Variants in LRP1B observed in about 807,000 individuals in gnomAD.
The protein encoded by LRP1B is low-density lipoprotein receptor-related protein 1B.
In LRP1B, 217 loss-of-function variants were observed where a neutral mutation model predicts 556.6. That is an observed-to-expected ratio of 0.39 (90% confidence interval 0.35 to 0.44). The LOEUF (loss-of-function observed/expected upper bound fraction) is 0.44. LRP1B is among the 20% of genes least tolerant of loss of function. The probability of loss-of-function intolerance (pLI) is 1.00; values close to 1 mark genes in which losing one functional copy is unlikely to be tolerated. For missense variants in LRP1B, 5,053 were observed against 5,620.8 expected, an observed-to-expected ratio of 0.90 and a Z score of 3.23; for synonymous variants, 2,047 against 1,865.8, an observed-to-expected ratio of 1.10 and a Z score of -2.50.
intron 1 of LRP1B, among the ~76,000 whole-genome samples, chr2:141,940,673 T>C (rs1574512064): frequency 6.6e-6 from 1 of 152,306 alleles, no homozygotes; most frequent in East Asian, 1.9e-4. Context: ...CCTTTTACTC[T>C]AGTGTAATAA....
At chr2:140,416,286 C>T (rs576932881) in intron 66 of LRP1B, among the ~76,000 whole-genome samples, 7 of 152,178 alleles carry the variant, frequency 4.6e-5, no homozygotes, top group African/African-American at 1.7e-4. Flanking sequence ...GAGGATGATA[C>T]TAGAGCTGAT....
intron 15 of LRP1B, among the ~76,000 whole-genome samples, chr2:141,003,000 T>C (rs897233366): frequency 1.3e-5 from 2 of 151,982 alleles, no homozygotes; most frequent in African/African-American, 4.8e-5. Context: ...TGTCCGGTAG[T>C]TGGAACTTAA....
chr2:140,256,449 C>CTTTTTTTTTTTTTTT (rs764826231), intron 86 of LRP1B, among the ~76,000 whole-genome samples: 1 of 25,292 alleles, frequency 4.0e-5, no homozygotes, highest in Non-Finnish European at 7.7e-5. Flanking sequence ...TTTTTCCTTC[C>CTTTTTTTTTTTTTTT]TTTTTTTTTT....
At chr2:141,012,034 T>C (rs1697766501) in intron 14 of LRP1B, among the ~76,000 whole-genome samples, 1 of 152,064 alleles carries the variant, frequency 6.6e-6, no homozygotes, top group Non-Finnish European at 1.5e-5. Context: ...ACATAGCTAT[T>C]TAACCATCAT....
chr2:141,406,006 T>C (rs1235591917), intron 3 of LRP1B, among the ~76,000 whole-genome samples: 3 of 152,218 alleles, frequency 2.0e-5, no homozygotes, highest in Non-Finnish European at 2.9e-5. Context: ...CCAAGTATGA[T>C]GTATGGTTAA....
chr2:140,999,933 A>G (rs1420205257), intron 15 of LRP1B, among the ~76,000 whole-genome samples: 2 of 151,912 alleles, frequency 1.3e-5, no homozygotes, highest in Admixed American at 6.6e-5. Context: ...TATTTTTGAG[A>G]TGGGGTCTTG....
At chr2:140,508,400 C>T (rs147062247) in intron 52 of LRP1B, among the ~76,000 whole-genome samples, 63 of 152,102 alleles carry the variant, frequency 4.1e-4, no homozygotes, top group African/African-American at 1.3e-3. Flanking sequence ...TGCCTATAGC[C>T]CCCTCTCCCC....
At chr2:141,240,008 T>C (rs1683803878) in intron 5 of LRP1B, among the ~76,000 whole-genome samples, 2 of 152,120 alleles carry the variant, frequency 1.3e-5, no homozygotes, top group African/African-American at 4.8e-5. Flanking sequence ...TGTAACTTGA[T>C]GTTCTAAATA....
chr2:140,369,166 T>C (rs115282032), intron 71 of LRP1B, among the ~76,000 whole-genome samples: 1,854 of 152,020 alleles, frequency 0.012, 33 homozygotes, highest in African/African-American at 0.042. Context: ...GGTCATTTTC[T>C]CATAACTGAT....
intron 18 of LRP1B, among the ~76,000 whole-genome samples, chr2:140,972,075 G>A (rs191384562): frequency 3.3e-5 from 5 of 152,182 alleles, no homozygotes; most frequent in African/African-American, 9.6e-5. Flanking sequence ...AATATCCCTC[G>A]AGGCTTTAAC....
chr2:140,358,783 T>G, intron 73 of LRP1B, 38 bp downstream of exon 73: 12 of 1,599,184 alleles, frequency 7.5e-6, no homozygotes, highest in Non-Finnish European at 1.0e-5. Flanking sequence ...GAGAACCTCA[T>G]AGCCATCACT....
At chr2:141,494,003 C>T (rs112538332) in intron 2 of LRP1B, among the ~76,000 whole-genome samples, 49 of 152,262 alleles carry the variant, frequency 3.2e-4, no homozygotes, top group African/African-American at 1.1e-3. Flanking sequence ...TTCCTTTAAG[C>T]ATTTAATCAG....
At chr2:141,351,185 C>G (rs1688430596) in intron 3 of LRP1B, among the ~76,000 whole-genome samples, 1 of 151,886 alleles carries the variant, frequency 6.6e-6, no homozygotes, top group African/African-American at 2.4e-5. Context: ...TCAAGAAAAT[C>G]AAAGGAATCA....
intron 7 of LRP1B, among the ~76,000 whole-genome samples, chr2:141,069,029 A>G (rs1431693711): frequency 1.3e-5 from 2 of 152,072 alleles, no homozygotes; most frequent in African/African-American, 4.8e-5. Flanking sequence ...GAAGAACATT[A>G]ATAATGAGCA....
intron 3 of LRP1B, among the ~76,000 whole-genome samples, chr2:141,350,575 A>C (rs1310550260): frequency 6.6e-6 from 1 of 152,114 alleles, no homozygotes; most frequent in African/African-American, 2.4e-5. Flanking sequence ...CAGAGAAAAA[A>C]TCATTTTGGT....
chr2:141,401,430 T>C (rs1216030931), intron 3 of LRP1B, among the ~76,000 whole-genome samples: 1 of 152,192 alleles, frequency 6.6e-6, no homozygotes, highest in Non-Finnish European at 1.5e-5. Flanking sequence ...TCTCTTTTAC[T>C]GGGTTTCTTA....
rs571106364 is a variant in LRP1B at position 141,891,168 on chromosome 2, A to G, written c.83-80767T>C. Among the ~76,000 whole-genome samples the G allele has an allele frequency of 2.0e-5, 3 of 152,104 alleles. No homozygotes were observed. In the East Asian group the frequency reaches 5.8e-4, roughly 29 times the overall value. ...TTTTTTTAAACAACTTTTGCCAGAT[A>G]AAAAAGAAAATAGAAGGCATAACCA... On this transcript the variant is annotated intron_variant, in intron 1 of 90. Coordinates refer to ENST00000389484, the MANE Select transcript of LRP1B (RefSeq NM_018557.3).
chr2:141,480,301 A>T (rs2105089303), intron 3 of LRP1B, 95 bp downstream of exon 3: 2 of 1,276,846 alleles, frequency 1.6e-6, no homozygotes, highest in Non-Finnish European at 2.2e-6. Flanking sequence ...ATATGCTTGT[A>T]GTTGAAAGAA....
chr2:141,041,994 C>A (rs1470675388), intron 11 of LRP1B, among the ~76,000 whole-genome samples: 1 of 151,964 alleles, frequency 6.6e-6, no homozygotes, highest in Non-Finnish European at 1.5e-5. Context: ...GGGATGAGGA[C>A]CTAGATATTA....
Sources: allele counts gnomAD v4.1 joint callset (sites outside exome capture counted in the v4.1 genomes callset), GRCh38; gene constraint gnomAD v4.1.1; transcripts MANE v1.5; gene names NCBI Gene and HGNC (gene_info 2026-07-23, HGNC 2026-07-21).